Variants in MKRN2 observed in about 807,000 individuals in gnomAD.
The protein encoded by MKRN2 is makorin ring finger protein 2, also known as E3 ubiquitin-protein ligase makorin-2.
MKRN2 carries 32 observed loss-of-function variants against 45.4 expected under a neutral mutation model. That is an observed-to-expected ratio of 0.70 (90% CI 0.53 to 0.95). The LOEUF (loss-of-function observed/expected upper bound fraction) is 0.95. MKRN2 is among the 40% of genes least tolerant of loss of function. The pLI is 0.00. For missense variants in MKRN2, 526 were observed against 536.7 expected (o/e 0.98, Z 0.20); for synonymous variants, 206 against 192.4 (o/e 1.07, Z -0.59).
At chr3:12,557,429 G>C (rs990841818) in intron 1 of MKRN2, among the ~76,000 whole-genome samples, 12 of 152,260 alleles carry the variant, frequency 7.9e-5, no homozygotes, top group Non-Finnish European at 1.5e-4. Context: ...GGCCCCTGTG[G>C]GCTGGGAGGA....
In MKRN2 at chr3:12,581,945, C is replaced by CTGT; in HGVS notation, c.1107_1109dup (p.Val370dup). 6.2e-7 allele frequency: 1 copy of CTGT among 1,614,088 alleles called. No homozygotes were observed. On this transcript the variant is annotated inframe_insertion, in exon 7 of 8. Transcript: ENST00000170447. Reference sequence around the variant, plus strand: ...CGGAAACAGCTCAGTTCTCAAGGCACTGTGAGGGTAAGGACTTTAGCCATC... The same window carrying CTGT: ...CGGAAACAGCTCAGTTCTCAAGGCACTGTTGTGAGGGTAAGGACTTTAGCCATC...
In MKRN2 at chr3:12,576,930, GGT is replaced by G; in HGVS notation, c.968+192_968+193del. On this transcript the variant is annotated intron_variant, in intron 6 of 7. Transcript: ENST00000170447. Reference sequence around the variant, plus strand: ...TGGTGATGTGGACCTGTTTAGTTTTGGTGTTTTTTTTTTTTTTTTTTTTTTTT... The same window carrying G: ...TGGTGATGTGGACCTGTTTAGTTTTGGTTTTTTTTTTTTTTTTTTTTTTTT... The G allele has an allele frequency of 4.4e-5, 5 of 113,740 alleles. No individual in the cohort carries two copies. The South Asian group carries it at 4.9e-4, about 11-fold the overall frequency. 7.0% of individuals were successfully genotyped at this position (113,740 alleles called of 1,614,324 possible).
intron 5 of MKRN2, among the ~76,000 whole-genome samples, chr3:12,576,380 C>G (rs796718351): frequency 6.6e-6 from 1 of 152,218 alleles, no homozygotes; most frequent in African/African-American, 2.4e-5. Flanking sequence ...CTGATGTTCT[C>G]CCTCCCCTTG....
intron 1 of MKRN2, among the ~76,000 whole-genome samples, chr3:12,558,793 A>G (rs2058007695): frequency 6.6e-6 from 1 of 152,282 alleles, no homozygotes; most frequent in East Asian, 1.9e-4. Context: ...ATTGGGTTGG[A>G]ATGTTGAGAA....
intron 3 of MKRN2, among the ~76,000 whole-genome samples, chr3:12,570,819 A>T (rs2058093687): frequency 1.4e-5 from 2 of 146,350 alleles, no homozygotes; most frequent in South Asian, 4.5e-4. Context: ...GGAGGCAAAG[A>T]TTGTAGTGAG....
At chr3:12,562,993 T>C (rs908095035) in intron 1 of MKRN2, among the ~76,000 whole-genome samples, 2 of 152,052 alleles carry the variant, frequency 1.3e-5, no homozygotes, top group African/African-American at 4.8e-5. Context: ...ATCCCCCCAT[T>C]CCGTGGAAAA....
At chr3:12,581,641 T>A (rs575326591) in intron 6 of MKRN2, among the ~76,000 whole-genome samples, 167 bp from the exon 7 acceptor site, 212 of 152,260 alleles carry the variant, frequency 1.4e-3, no homozygotes, top group African/African-American at 4.9e-3. Flanking sequence ...CAGCTGTGTG[T>A]GACCTGAGAC....
intron 1 of MKRN2, among the ~76,000 whole-genome samples, chr3:12,567,120 G>A (rs965475640): frequency 2.0e-5 from 3 of 151,796 alleles, no homozygotes; most frequent in Middle Eastern, 3.4e-3. Context: ...TGGATGCCAA[G>A]CATTGTGAGT....
At chr3:12,563,914 G>A (rs1002646477) in intron 1 of MKRN2, among the ~76,000 whole-genome samples, 3 of 150,398 alleles carry the variant, frequency 2.0e-5, no homozygotes, top group South Asian at 2.1e-4. Flanking sequence ...GTATGAACAC[G>A]GGTGTGCAAA....
At chr3:12,574,052 A>G (rs2058116196) in intron 4 of MKRN2, among the ~76,000 whole-genome samples, 2 of 152,162 alleles carry the variant, frequency 1.3e-5, no homozygotes, top group African/African-American at 4.8e-5. Context: ...GGCATGTTTA[A>G]ATGGACAGCG....
Position 12,557,137 on chromosome 3 carries a change from T to A in MKRN2, c.-14T>A. On this transcript the variant is annotated 5_prime_UTR_variant, in exon 1 of 8. Coordinates refer to ENST00000170447, the MANE Select transcript of MKRN2 (RefSeq NM_014160.5). ...GAGGCGGCGGCACGACGACGGTCCC[T>A]CAGCCCAGCCACCATGAGCACCAAG... 1.3e-6 allele frequency: 2 copies of A among 1,508,032 alleles called. No individual in the cohort carries two copies. The highest frequency in any genetic ancestry group is 1.8e-6 in the Non-Finnish European group (2 of 1,130,230). The allele number at this position is 1,508,032 out of a possible 1,614,324, so 93.4% of individuals were successfully genotyped here. A position where few individuals can be genotyped will look rare whatever the true frequency, so the allele number is the denominator to read the frequency against.
intron 4 of MKRN2, among the ~76,000 whole-genome samples, chr3:12,573,632 G>T (rs1432522160): frequency 6.6e-6 from 1 of 151,984 alleles, no homozygotes; most frequent in South Asian, 2.1e-4. Flanking sequence ...AGTGGCTCAC[G>T]CCTGTAATCC....
intron 3 of MKRN2, 46 bp from the exon 4 acceptor site, chr3:12,572,023 A>G (rs924087330): frequency 6.6e-7 from 1 of 1,518,550 alleles, no homozygotes; most frequent in Admixed American, 2.2e-5. Flanking sequence ...CATACCAGAA[A>G]AATGGGGCCA....
At chr3:12,579,528 C>T (rs1260221654) in intron 6 of MKRN2, among the ~76,000 whole-genome samples, 1 of 152,142 alleles carries the variant, frequency 6.6e-6, no homozygotes, top group Non-Finnish European at 1.5e-5. Flanking sequence ...TGCTGGTGAC[C>T]AGTTCTTCAT....
At chr3:12,568,550 C>A (rs1449512239) in intron 1 of MKRN2, among the ~76,000 whole-genome samples, 1 of 152,198 alleles carries the variant, frequency 6.6e-6, no homozygotes, top group Non-Finnish European at 1.5e-5. Flanking sequence ...TCCTTGAGAA[C>A]AGAGAGAACA....
chr3:12,569,070 G>A, intron 2 of MKRN2, 67 bp downstream of exon 2: 1 of 1,512,738 alleles, frequency 6.6e-7, no homozygotes, highest in Non-Finnish European at 8.9e-7. Flanking sequence ...CTTGATAAGG[G>A]GGAAATTTTA....
intron 6 of MKRN2, chr3:12,576,959 G>GT (rs2058144344): frequency 8.4e-6 from 1 of 119,282 alleles, no homozygotes; most frequent in African/African-American, 2.0e-4. Context: ...TTTTTTTTTC[G>GT]GTGAGATAGG....
At chr3:12,575,772 G>A (rs2058130959) in intron 5 of MKRN2, among the ~76,000 whole-genome samples, 1 of 152,184 alleles carries the variant, frequency 6.6e-6, no homozygotes. Context: ...TGGAATCATA[G>A]AATTTGGGGC....
chr3:12,577,992 T>G lies in MKRN2; in HGVS notation c.968+1251T>G, dbSNP rs112883415. Among the ~76,000 whole-genome samples the G allele has an allele frequency of 2.6e-3, 397 of 152,306 alleles. 1 individual carries two copies. Among genetic ancestry groups the G allele is most frequent in the African/African-American group, 9.3e-3 (388 of 41,564 alleles). On this transcript the variant is annotated intron_variant, in intron 6 of 7. Coordinates refer to ENST00000170447, the MANE Select transcript of MKRN2 (RefSeq NM_014160.5). ...GCGCCTGGCCAAGTGTTGCTGTTTT[T>G]AACAGGCAGGTAAATTGTTTGAACT... is the stretch of plus-strand genomic sequence containing the variant.
Sources: allele counts gnomAD v4.1 joint callset (sites outside exome capture counted in the v4.1 genomes callset), GRCh38; gene constraint gnomAD v4.1.1; transcripts MANE v1.5; gene names NCBI Gene and HGNC (gene_info 2026-07-23, HGNC 2026-07-21).